Variants in BSPH1 observed in about 807,000 individuals in gnomAD.
BSPH1 encodes the protein binder of sperm protein homolog 1.
BSPH1 carries 21 observed loss-of-function variants against 22.5 expected under a neutral mutation model. The observed-to-expected ratio is 0.93, with a 90% CI of 0.66 to 1.35. The LOEUF (loss-of-function observed/expected upper bound fraction) is 1.35. BSPH1 is among the 40% of genes most tolerant of loss of function. BSPH1 has a pLI of 0.00. For missense variants in BSPH1, 141 were observed against 154.2 expected (o/e 0.91, Z 0.45); for synonymous variants, 42 against 53.6 (o/e 0.78, Z 0.95).
Position 47,992,000 on chromosome 19 carries a change from A to C in BSPH1, c.73+9T>G. On this transcript the variant is annotated intron_variant, in intron 1 of 5. Coordinates refer to ENST00000344839, the MANE Select transcript of BSPH1 (RefSeq NM_001128326.2). Reference sequence around the variant, plus strand: ...CCTTGCATAGGAAGAAATATAGAAAAAGAAATACTTAAAATAACAGGGAAG... The same window carrying C: ...CCTTGCATAGGAAGAAATATAGAAACAGAAATACTTAAAATAACAGGGAAG... 1 of 1,532,752 alleles carries C rather than the reference A, an allele frequency of 6.5e-7. No individual in the cohort carries two copies. The highest frequency in any genetic ancestry group is 1.2e-5 in the South Asian group (1 of 83,582). 94.9% of individuals were successfully genotyped at this position (1,532,752 alleles called of 1,614,324 possible).
chr19:47,971,073 C>G (rs982881690), intron 5 of BSPH1, among the ~76,000 whole-genome samples: 9 of 152,194 alleles, frequency 5.9e-5, no homozygotes, highest in African/African-American at 2.2e-4. Context: ...TGGCAACTTC[C>G]TGACTTCTGA....
intron 1 of BSPH1, among the ~76,000 whole-genome samples, chr19:47,991,556 G>C (rs1437733757): frequency 6.9e-5 from 2 of 28,982 alleles, no homozygotes; most frequent in East Asian, 8.8e-4. Context: ...CCCTCCTCCC[G>C]GTCATCCTCC....
At position 47,981,969 on chromosome 19, in the gene BSPH1, C is replaced by T. The variant is rs1265670382; in HGVS notation, c.74-1028G>A. Reference sequence around the variant, plus strand: ...TTAGTTAAATATTACATAACTGTTACAAAGTTCATTTAATTGAGGCTTTAA... The same window carrying T: ...TTAGTTAAATATTACATAACTGTTATAAAGTTCATTTAATTGAGGCTTTAA... On this transcript the variant is annotated intron_variant, in intron 1 of 5. Coordinates refer to ENST00000344839, the MANE Select transcript of BSPH1 (RefSeq NM_001128326.2). Among the ~76,000 whole-genome samples the T allele has an allele frequency of 2.6e-5, 4 of 152,096 alleles. No individual in the cohort carries two copies. In the East Asian group the frequency reaches 7.7e-4, roughly 29 times the overall value.
chr19:47,967,753 T>C (rs1969272066), downstream of BSPH1, among the ~76,000 whole-genome samples: 1 of 152,202 alleles, frequency 6.6e-6, no homozygotes. Context: ...GGCTTCAACA[T>C]ATGAATTTTG....
intron 5 of BSPH1, among the ~76,000 whole-genome samples, chr19:47,970,019 G>A (rs1209418956): frequency 6.6e-6 from 1 of 151,548 alleles, no homozygotes; most frequent in Non-Finnish European, 1.5e-5. Flanking sequence ...GTGTGTGTGA[G>A]AGAGAGAGAG....
chr19:47,981,623 C>G, intron 1 of BSPH1: 1 of 349,446 alleles, frequency 2.9e-6, no homozygotes, highest in East Asian at 1.7e-4. Flanking sequence ...AGTAACGGCC[C>G]AAACCCTGGC....
chr19:47,987,551 A>G (rs1969483085), intron 1 of BSPH1, among the ~76,000 whole-genome samples: 1 of 152,004 alleles, frequency 6.6e-6, no homozygotes, highest in Non-Finnish European at 1.5e-5. Context: ...ATAGCTGGCT[A>G]ATTTTCAAAA....
At chr19:47,986,463 G>C (rs1260823737) in intron 1 of BSPH1, among the ~76,000 whole-genome samples, 1 of 152,096 alleles carries the variant, frequency 6.6e-6, no homozygotes, top group Non-Finnish European at 1.5e-5. Context: ...TACTGGTCAG[G>C]CATGGTGATT....
chr19:47,969,371 A>C (rs1969288283), intron 5 of BSPH1, among the ~76,000 whole-genome samples: 1 of 152,168 alleles, frequency 6.6e-6, no homozygotes, highest in Non-Finnish European at 1.5e-5. Context: ...ACATCCAAGT[A>C]AACAGATCCT....
chr19:47,975,385 G>T (rs1969352035), intron 5 of BSPH1, among the ~76,000 whole-genome samples: 1 of 152,074 alleles, frequency 6.6e-6, no homozygotes, highest in Admixed American at 6.6e-5. Flanking sequence ...ATGCTCTGTG[G>T]CTTCTCTTTG....
At chr19:47,972,401 A>G (rs1396646396) in intron 5 of BSPH1, among the ~76,000 whole-genome samples, 2 of 151,768 alleles carry the variant, frequency 1.3e-5, no homozygotes, top group Non-Finnish European at 2.9e-5. Flanking sequence ...TAATAAACAT[A>G]GTGCTTTATA....
rs1568397517 is a variant in BSPH1 at position 47,980,922 on chromosome 19, C to CA, written c.92dup (p.Glu32GlyfsTer21). On this transcript the variant is annotated frameshift_variant and splice_region_variant, in exon 2 of 6. Transcript: ENST00000344839. LOFTEE classifies it high-confidence loss of function. ...ATAAAAGTTTTTTGATCAACTCACC[C>CA]ACAGTTGATGATAATTCATCTGAAA... 2 of 1,462,878 alleles carry CA rather than the reference C, an allele frequency of 1.4e-6. No homozygotes were observed. The highest frequency in any genetic ancestry group is 2.6e-5 in the Admixed American group (1 of 38,848). 90.6% of individuals were successfully genotyped at this position (1,462,878 alleles called of 1,614,324 possible).
At chr19:47,979,461 T>C in intron 3 of BSPH1, 109 bp downstream of exon 3, 1 of 597,438 alleles carries the variant, frequency 1.7e-6, no homozygotes, top group South Asian at 2.1e-5. Flanking sequence ...ACATTTTATA[T>C]AAGGAGAAAA....
At chr19:47,986,897 G>GA (rs1969476173) in intron 1 of BSPH1, among the ~76,000 whole-genome samples, 1 of 152,226 alleles carries the variant, frequency 6.6e-6, no homozygotes, top group Admixed American at 6.5e-5. Flanking sequence ...CTCAGAGGCA[G>GA]AAACTATTCC....
chr19:47,972,280 CTTTT>C (rs71181620), intron 5 of BSPH1, among the ~76,000 whole-genome samples: 1 of 136,800 alleles, frequency 7.3e-6, no homozygotes. Flanking sequence ...CCTTGATATT[CTTTT>C]TTTTTTTTTT....
intron 1 of BSPH1, among the ~76,000 whole-genome samples, chr19:47,989,901 C>T (rs188067871): frequency 2.0e-5 from 3 of 151,884 alleles, no homozygotes; most frequent in East Asian, 1.9e-4. Context: ...GGTGAATCAC[C>T]GAAGATCAGG....
rs1026705776 is a variant in BSPH1, at chr19:47,992,111, A to C, written c.-30T>G. Reference sequence around the variant, plus strand: ...AGTCACAGGCTTCCCGGTATCTCAGATCTTCCTGGTCTTTGTCAGCCAGGG... The same window carrying C: ...AGTCACAGGCTTCCCGGTATCTCAGCTCTTCCTGGTCTTTGTCAGCCAGGG... On this transcript the variant is annotated 5_prime_UTR_variant, in exon 1 of 6. Coordinates refer to ENST00000344839, the MANE Select transcript of BSPH1 (RefSeq NM_001128326.2). 5 of 1,538,698 alleles carry C rather than the reference A, an allele frequency of 3.2e-6. No individual in the cohort carries two copies. Among genetic ancestry groups the C allele is most frequent in the Non-Finnish European group, 4.4e-6 (5 of 1,135,540 alleles).
rs199878812 is a variant in BSPH1 at position 47,975,649 on chromosome 19, ATTTTTTTTTTT to A, written c.*2+1050_*2+1060del. 1.9e-3 allele frequency among the ~76,000 whole-genome samples: 238 copies of A among 124,904 alleles called. 1 individual carries two copies. The highest frequency in any genetic ancestry group is 4.8e-3 in the South Asian group (19 of 3,954). The allele number at this position is 124,904 out of a possible 152,430, so 81.9% of individuals were successfully genotyped here. ...GAAATATTCTTTATTAAGGTAATGC[ATTTTTTTTTTT>A]TTTTTTTTTTTTTGAGACGGAGTCT... On this transcript the variant is annotated intron_variant, in intron 5 of 5. Coordinates refer to ENST00000344839, the MANE Select transcript of BSPH1 (RefSeq NM_001128326.2).
chr19:47,974,060 G>T (rs994914981), intron 5 of BSPH1, among the ~76,000 whole-genome samples: 2 of 152,044 alleles, frequency 1.3e-5, no homozygotes, highest in Non-Finnish European at 2.9e-5. Flanking sequence ...ACAAACTCAT[G>T]TTCCCCAGCC....
Sources: allele counts gnomAD v4.1 joint callset (sites outside exome capture counted in the v4.1 genomes callset), GRCh38; gene constraint gnomAD v4.1.1; transcripts MANE v1.5; gene names NCBI Gene and HGNC (gene_info 2026-07-23, HGNC 2026-07-21).